CDYL2: variants seen among roughly 807,000 people sequenced by gnomAD.
CDYL2 encodes chromodomain Y like 2, also known as chromodomain Y-like protein 2.
Under a neutral mutation model 49.4 loss-of-function variants are expected in CDYL2, and 23 were observed. The ratio of observed to expected loss-of-function variants is 0.47; its 90% CI spans 0.34 to 0.66. The LOEUF is 0.66. CDYL2 is among the 30% of genes least tolerant of loss of function. The pLI is 0.01. For missense variants in CDYL2, 678 were observed against 656.4 expected (o/e 1.03, Z -0.36); for synonymous variants, 360 against 268.8 (o/e 1.34, Z -3.32).
intron 2 of CDYL2, among the ~76,000 whole-genome samples, chr16:80,649,028 G>A (rs1284292159): frequency 1.3e-5 from 2 of 152,062 alleles, no homozygotes; most frequent in African/African-American, 2.4e-5. Flanking sequence ...AGAACAGCTA[G>A]TATCCTGCTG....
rs1257533547 is a variant in CDYL2, at chr16:80,602,078, G to A, written c.*2310C>T. 6.6e-6 allele frequency: 1 copy of A among 152,168 alleles called. No homozygotes were observed. Among genetic ancestry groups the A allele is most frequent in the Non-Finnish European group, 1.5e-5 (1 of 68,046 alleles). 9.4% of individuals were successfully genotyped at this position (152,168 alleles called of 1,614,324 possible). ...CAATCAGAAGTTCAACAGAAAAGAGGGGGCTCTTTCTAATGAAAATTTAGC... is the reference window on the plus strand; with the variant it reads ...CAATCAGAAGTTCAACAGAAAAGAGAGGGCTCTTTCTAATGAAAATTTAGC... On this transcript the variant is annotated 3_prime_UTR_variant, in exon 7 of 7. Coordinates refer to ENST00000570137, the MANE Select transcript of CDYL2 (RefSeq NM_152342.4).
chr16:80,792,209 C>G (rs893498984), intron 1 of CDYL2, among the ~76,000 whole-genome samples: 1 of 152,100 alleles, frequency 6.6e-6, no homozygotes, highest in Admixed American at 6.5e-5. Flanking sequence ...GAGAAAAATC[C>G]AGGCAAATGT....
chr16:80,635,398 T>A (rs1220430984), intron 2 of CDYL2, among the ~76,000 whole-genome samples: 1 of 152,034 alleles, frequency 6.6e-6, no homozygotes, highest in East Asian at 1.9e-4. Flanking sequence ...CGTGCAAAAA[T>A]CACAAGCATT....
intron 3 of CDYL2, among the ~76,000 whole-genome samples, chr16:80,628,717 C>G (rs750531925): frequency 2.2e-4 from 34 of 152,208 alleles, no homozygotes; most frequent in Non-Finnish European, 4.3e-4. Context: ...AAATAGCATA[C>G]TTACCATCTT....
intron 1 of CDYL2, among the ~76,000 whole-genome samples, chr16:80,715,281 A>T (rs1287217581): frequency 1.3e-5 from 2 of 152,144 alleles, no homozygotes. Flanking sequence ...GCCTGAGGAT[A>T]CAGGAATCCT....
Position 80,654,807 on chromosome 16 carries a change from G to A in CDYL2, c.617-21571C>T, listed in dbSNP as rs566577559. Among the ~76,000 whole-genome samples, 9 of 152,324 alleles carry A rather than the reference G, an allele frequency of 5.9e-5. No homozygotes were observed. The South Asian group carries it at 1.9e-3, about 32-fold the overall frequency. On this transcript the variant is annotated intron_variant, in intron 2 of 6. Coordinates refer to ENST00000570137, the MANE Select transcript of CDYL2 (RefSeq NM_152342.4). ...TTGTTCCCTTACCAAAAGCAATCAG[G>A]CTTTGTCAAACATCAAGATGCAGCT...
At position 80,608,149 on chromosome 16, in the gene CDYL2, G is replaced by C. The variant is rs181063533; in HGVS notation, c.1305C>G (p.Thr435=). 6.5e-5 allele frequency: 105 copies of C among 1,605,696 alleles called. No homozygotes were observed. The highest frequency in any genetic ancestry group is 8.2e-5 in the Non-Finnish European group (96 of 1,176,346). Residue 435 remains threonine (T), a synonymous_variant, in exon 6 of 7, where the codon ACC becomes ACG. Transcript: ENST00000570137. ...RGLVSQVFWP[T]TFSQEVMLRV... ...GCAGCATGACCTCCTGGCTGAACGT[G>C]GTGGGCCAGAAGACCTGCGACACCA...
Position 80,608,080 on chromosome 16 carries a change from G to A in CDYL2, c.1362+12C>T, listed in dbSNP as rs556801871. The A allele has an allele frequency of 5.5e-4, 864 of 1,562,700 alleles. 9 individuals are homozygous for A. In the South Asian group the frequency reaches 9.8e-3, roughly 18 times the overall value. On this transcript the variant is annotated intron_variant, in intron 6 of 6. Coordinates refer to ENST00000570137, the MANE Select transcript of CDYL2 (RefSeq NM_152342.4). Reference sequence around the variant, plus strand: ...TCAAAAGGACAAGCACGCAGGAGGCGCAGGAACTCACCACGGCACTGCAGG... The same window carrying A: ...TCAAAAGGACAAGCACGCAGGAGGCACAGGAACTCACCACGGCACTGCAGG...
intron 4 of CDYL2, among the ~76,000 whole-genome samples, chr16:80,614,847 G>C (rs1409555143): frequency 2.2e-5 from 3 of 137,892 alleles, no homozygotes; most frequent in African/African-American, 8.5e-5. Flanking sequence ...CTGGGAAACA[G>C]AGTGAGACTC....
chr16:80,684,626 C>T lies in CDYL2; in HGVS notation c.528G>A (p.Gln176=), dbSNP rs1214987161. ...DERHFGNGSH[Q]PGLDLNDHVG... is the part of the protein sequence containing the mutation. ...CATGATCATTCAAATCCAAGCCAGG[C>T]TGATGGGACCCATTTCCAAAGTGCC... The change falls in exon 2 of 7, where the codon CAG becomes CAA. Residue 176 remains glutamine (Q), a synonymous_variant. Transcript: ENST00000570137. 2.5e-6 allele frequency: 4 copies of T among 1,614,226 alleles called. No individual in the cohort carries two copies. The African/African-American group carries it at 4.0e-5, about 16-fold the overall frequency.
At chr16:80,685,185 G>T in intron 1 of CDYL2, 56 bp from the exon 2 acceptor site, 2 of 1,420,464 alleles carry the variant, frequency 1.4e-6, no homozygotes, top group Non-Finnish European at 1.9e-6. Context: ...AAAAAACTCA[G>T]TTCGAGGCAA....
At chr16:80,664,767 T>C (rs1307186216) in intron 2 of CDYL2, among the ~76,000 whole-genome samples, 2 of 152,162 alleles carry the variant, frequency 1.3e-5, no homozygotes, top group Non-Finnish European at 2.9e-5. Context: ...AACAGCCACC[T>C]ACTGACTAAT....
intron 1 of CDYL2, among the ~76,000 whole-genome samples, chr16:80,712,196 T>C (rs567886101): frequency 0.011 from 1,255 of 118,956 alleles, 44 homozygotes; most frequent in African/African-American, 0.031. Context: ...TGTGTGTATA[T>C]ATATATATAT....
At chr16:80,743,694 G>GT (rs951704465) in intron 1 of CDYL2, among the ~76,000 whole-genome samples, 15 of 151,956 alleles carry the variant, frequency 9.9e-5, no homozygotes, top group South Asian at 4.2e-4. Context: ...TTTTTTGGGG[G>GT]TTTTTTTGCC....
chr16:80,777,028 C>T (rs1243954184), intron 1 of CDYL2, among the ~76,000 whole-genome samples: 2 of 151,914 alleles, frequency 1.3e-5, no homozygotes, highest in African/African-American at 4.8e-5. Flanking sequence ...TACCGTGTTG[C>T]CCAGGCTGGT....
chr16:80,699,891 G>A (rs3100184), intron 1 of CDYL2, among the ~76,000 whole-genome samples: 2,137 of 148,628 alleles, frequency 0.014, 131 homozygotes, highest in Admixed American at 0.11. Flanking sequence ...TTTTTGAGAC[G>A]GAGTCTCGCT....
chr16:80,709,557 A>AATAG (rs1239727759), intron 1 of CDYL2, among the ~76,000 whole-genome samples: 3,780 of 121,778 alleles, frequency 0.031, 152 homozygotes, highest in African/African-American at 0.11. Context: ...TGCAGGAATA[A>AATAG]ACAGACACAC....
At chr16:80,750,771 G>A (rs1036201040) in intron 1 of CDYL2, among the ~76,000 whole-genome samples, 8 of 152,184 alleles carry the variant, frequency 5.3e-5, no homozygotes, top group South Asian at 2.1e-4. Flanking sequence ...CGTAATCCCA[G>A]CACTTTGGGA....
intron 1 of CDYL2, among the ~76,000 whole-genome samples, chr16:80,745,425 C>T (rs1452468735): frequency 2.0e-5 from 3 of 152,176 alleles, no homozygotes; most frequent in Non-Finnish European, 2.9e-5. Flanking sequence ...TCAAGAGTGC[C>T]CGCAGTACAT....
Sources: allele counts gnomAD v4.1 joint callset (sites outside exome capture counted in the v4.1 genomes callset), GRCh38; gene constraint gnomAD v4.1.1; transcripts MANE v1.5; gene names NCBI Gene and HGNC (gene_info 2026-07-23, HGNC 2026-07-21).